The following CYB5RL variants were observed in gnomAD, a reference collection of about 807,000 sequenced individuals.
The protein encoded by CYB5RL is NADH-cytochrome b5 reductase-like.
Under a neutral mutation model 37.5 loss-of-function variants are expected in CYB5RL, and 38 were observed. That is an observed-to-expected ratio of 1.01 (90% confidence interval 0.78 to 1.33). The LOEUF (loss-of-function observed/expected upper bound fraction) is 1.33, where lower values mean the gene tolerates loss of function less well. Among genes scored for constraint, CYB5RL ranks in the 40% most tolerant of loss-of-function variants. CYB5RL has a pLI of 0.00. For synonymous variants in CYB5RL, 141 were observed against 151.9 expected, an observed-to-expected ratio of 0.93 and a Z score of 0.53; for missense variants, 388 against 394.4, an observed-to-expected ratio of 0.98 and a Z score of 0.14.
intron 6 of CYB5RL, among the ~76,000 whole-genome samples, chr1:54,181,030 A>G (rs1660147279): frequency 2.0e-5 from 3 of 152,106 alleles, no homozygotes; most frequent in South Asian, 4.1e-4. Context: ...ACAAAACAAA[A>G]CAAACAAAAA....
chr1:54,182,525 T>C (rs1245268129), intron 6 of CYB5RL, among the ~76,000 whole-genome samples: 5 of 152,020 alleles, frequency 3.3e-5, no homozygotes, highest in Non-Finnish European at 7.4e-5. Context: ...GAACATGTAC[T>C]GCATTTATAA....
At chr1:54,184,015 T>C (rs1260401508) in intron 6 of CYB5RL, 146 bp downstream of exon 6, 1 of 520,494 alleles carries the variant, frequency 1.9e-6, no homozygotes, top group Non-Finnish European at 3.4e-6. Flanking sequence ...AAGTGTCTAT[T>C]CCATCTTCTC....
chr1:54,176,175 G>A (rs911829031), intron 7 of CYB5RL, among the ~76,000 whole-genome samples: 15 of 152,332 alleles, frequency 9.8e-5, no homozygotes, highest in Non-Finnish European at 1.6e-4. Context: ...CCAGAGAGCC[G>A]TGGTGCTGGT....
chr1:54,183,695 G>T (rs981981973), intron 6 of CYB5RL, among the ~76,000 whole-genome samples: 1 of 152,164 alleles, frequency 6.6e-6, no homozygotes, highest in Non-Finnish European at 1.5e-5. Flanking sequence ...GTCTACTCTG[G>T]CTGGGCGCGG....
intron 2 of CYB5RL, 21 bp from the exon 3 acceptor site, chr1:54,195,736 G>T (rs1233028359): frequency 1.7e-6 from 2 of 1,177,112 alleles, no homozygotes; most frequent in Non-Finnish European, 2.4e-6. Flanking sequence ...GAAAACATGG[G>T]GGTTATTCTC....
rs1330719224 is a variant in CYB5RL, at chr1:54,172,842, G to A, written c.*1777C>T. The stretch of plus-strand genomic sequence containing the variant: ...CGCAGACCTCAGAGGCCTGGGGAGA[G>A]GAAAAGTGTCTTGCTCAAGTCACAT... On this transcript the variant is annotated 3_prime_UTR_variant, in exon 8 of 8. Coordinates refer to ENST00000534324, the MANE Select transcript of CYB5RL (RefSeq NM_001031672.4). 6.6e-6 allele frequency: 1 copy of A among 152,166 alleles called. No individual in the cohort carries two copies. The highest frequency in any genetic ancestry group is 1.5e-5 in the Non-Finnish European group (1 of 68,054). 9.4% of individuals were successfully genotyped at this position (152,166 alleles called of 1,614,324 possible).
At chr1:54,193,330 A>C (rs899058679) in intron 3 of CYB5RL, among the ~76,000 whole-genome samples, 1 of 152,214 alleles carries the variant, frequency 6.6e-6, no homozygotes, top group Non-Finnish European at 1.5e-5. Context: ...CGATATACAC[A>C]TAAGAGTACA....
At chr1:54,176,313 G>A (rs996023859) in intron 7 of CYB5RL, among the ~76,000 whole-genome samples, 10 of 152,174 alleles carry the variant, frequency 6.6e-5, no homozygotes, top group African/African-American at 2.2e-4. Context: ...TGGCAGGATC[G>A]CTTGAGCCCA....
intron 7 of CYB5RL, among the ~76,000 whole-genome samples, chr1:54,178,305 C>T (rs59349843): frequency 0.014 from 2,113 of 152,196 alleles, 51 homozygotes; most frequent in African/African-American, 0.048. Flanking sequence ...AGAATGGTAC[C>T]CCACAGCACC....
At chr1:54,188,896 C>T (rs1643925280) in intron 4 of CYB5RL, among the ~76,000 whole-genome samples, 1 of 152,178 alleles carries the variant, frequency 6.6e-6, no homozygotes, top group Non-Finnish European at 1.5e-5. Context: ...TTAATAAATG[C>T]ATATGAGGCT....
intron 1 of CYB5RL, among the ~76,000 whole-genome samples, chr1:54,197,803 C>T (rs189987991): frequency 9.9e-5 from 15 of 151,990 alleles, no homozygotes; most frequent in East Asian, 5.8e-4. Flanking sequence ...GGGTGGATCA[C>T]GAGGTCAGGA....
chr1:54,185,614 T>A (rs891009689), intron 5 of CYB5RL: 1 of 152,128 alleles, frequency 6.6e-6, no homozygotes, highest in Admixed American at 6.6e-5. Flanking sequence ...GCAACGGAAG[T>A]CCCTGGCTCA....
chr1:54,197,801 C>T (rs1342707404), intron 1 of CYB5RL, among the ~76,000 whole-genome samples: 4 of 151,958 alleles, frequency 2.6e-5, no homozygotes, highest in Non-Finnish European at 5.9e-5. Context: ...GTGGGTGGAT[C>T]ACGAGGTCAG....
rs1411898767 is a variant in CYB5RL, at chr1:54,190,837, G to C, written c.258C>G (p.Asp86Glu). 2 of 1,606,332 alleles carry C rather than the reference G, an allele frequency of 1.2e-6. No homozygotes were observed. The highest frequency in any genetic ancestry group is 1.7e-5 in the Admixed American group (1 of 58,838). ...TFVAFCIIAMDRLTKDTYRVR... is the reference protein window; with the variant it reads ...TFVAFCIIAMERLTKDTYRVR... ...CACGGTAGGTGTCCTTAGTGAGCCTGTCCATGGCAATGATGCAGAAGGCCA... is the reference window on the plus strand; with the variant it reads ...CACGGTAGGTGTCCTTAGTGAGCCTCTCCATGGCAATGATGCAGAAGGCCA... Residue 86 changes from aspartate to glutamate, a missense_variant, in exon 4 of 8, where the codon GAC becomes GAG. Asp to Glu is a conservative substitution (Grantham distance 45). Transcript: ENST00000534324.
chr1:54,180,892 C>G (rs1010869087), intron 6 of CYB5RL, among the ~76,000 whole-genome samples: 22 of 151,968 alleles, frequency 1.4e-4, no homozygotes, highest in African/African-American at 5.1e-4. Context: ...GTGGCTCATG[C>G]GTGTAATCTC....
intron 4 of CYB5RL, chr1:54,190,451 G>T: frequency 1.7e-6 from 1 of 574,310 alleles, no homozygotes; most frequent in Non-Finnish European, 3.1e-6. Context: ...ATTTCCTCTG[G>T]GGTATAACTG....
In CYB5RL at chr1:54,190,767, C is replaced by T. The variant is rs191854671; in HGVS notation, c.328G>A (p.Gly110Ser). The change falls in exon 4 of 8, where the codon GGC (glycine) becomes AGC (serine). Residue 110 changes from glycine to serine, a missense_variant. Coordinates refer to ENST00000534324, the MANE Select transcript of CYB5RL (RefSeq NM_001031672.4). ...PGNSQLGLRP[G>S]QHLILRGIVD... is the part of the protein sequence containing the mutation. Reference sequence around the variant, plus strand: ...GTGTACCGTAGGATGAGGTGCTGGCCGGGCCGCAGGCCAAGCTGGCTGTTC... The same window carrying T: ...GTGTACCGTAGGATGAGGTGCTGGCTGGGCCGCAGGCCAAGCTGGCTGTTC... 98 of 1,554,934 alleles carry T rather than the reference C, an allele frequency of 6.3e-5. 1 individual carries two copies. In the East Asian group the frequency reaches 8.0e-4, roughly 13 times the overall value.
rs200427438 is a variant in CYB5RL, at chr1:54,187,739, T to C, written c.348A>G (p.Arg116=). The C allele has an allele frequency of 6.2e-7, 1 of 1,613,746 alleles. No individual in the cohort carries two copies. Among genetic ancestry groups the C allele is most frequent in the South Asian group, 1.1e-5 (1 of 91,082 alleles). ...GAATTTCTAAGTCATCTACTATCCC[T>C]CTGAGAAACAGAAGTGTGCAGTCAG... ...GLRPGQHLIL[R]GIVDDLEIQR... is the part of the protein sequence containing the mutation. Residue 116 remains arginine, a splice_region_variant and synonymous_variant, in exon 5 of 8, where the codon CGA becomes CGG. Transcript: ENST00000534324.
intron 7 of CYB5RL, chr1:54,175,602 C>A: frequency 4.8e-6 from 2 of 414,492 alleles, no homozygotes; most frequent in South Asian, 1.7e-5. Flanking sequence ...GTATACAAAT[C>A]ATTAAGTATA....
Sources: gnomAD v4.1 joint callset for allele counts (sites outside exome capture counted in the v4.1 genomes callset) on GRCh38, gnomAD v4.1.1 for gene constraint, MANE v1.5 for transcripts, NCBI Gene and HGNC (gene_info 2026-07-23, HGNC 2026-07-21) for gene names.